The following DLC1 variants were observed in gnomAD, a reference collection of about 807,000 sequenced individuals.
DLC1 encodes rho GTPase-activating protein 7.
A neutral mutation model predicts 140.3 loss-of-function variants in DLC1; 54 were observed. The ratio of observed to expected loss-of-function variants is 0.38; its 90% CI spans 0.31 to 0.48. The LOEUF (loss-of-function observed/expected upper bound fraction) is 0.48. Among genes scored for constraint, DLC1 ranks in the 20% least tolerant of loss-of-function variants. The pLI, the probability that DLC1 is intolerant of heterozygous loss-of-function variation, is 0.96. For synonymous variants in DLC1, 986 were observed against 728.1 expected (o/e 1.35, Z -5.70); for missense variants, 2,536 against 1,907.0 (o/e 1.33, Z -6.14).
At chr8:13,146,475 T>TAACA (rs1414164837) in intron 5 of DLC1, among the ~76,000 whole-genome samples, 12 of 152,108 alleles carry the variant, frequency 7.9e-5, no homozygotes, top group African/African-American at 2.6e-4. Flanking sequence ...TGTAAGTTAT[T>TAACA]AGAAATAATC....
intron 1 of DLC1, among the ~76,000 whole-genome samples, chr8:13,598,126 T>C (rs998137954): frequency 1.6e-4 from 25 of 152,100 alleles, no homozygotes; most frequent in Admixed American, 1.4e-3. Context: ...GAATTAATAG[T>C]ACAAATCTTT....
intron 5 of DLC1, among the ~76,000 whole-genome samples, chr8:13,219,687 A>T (rs555178839): frequency 1.3e-5 from 2 of 151,996 alleles, no homozygotes; most frequent in Non-Finnish European, 2.9e-5. Flanking sequence ...ATTGTATTGA[A>T]AAAATAAAAT....
At chr8:13,286,954 G>A (rs931274444) in intron 5 of DLC1, among the ~76,000 whole-genome samples, 3 of 152,138 alleles carry the variant, frequency 2.0e-5, no homozygotes, top group Non-Finnish European at 2.9e-5. Context: ...CTGAGGTGAA[G>A]GTTGAGCACT....
chr8:13,098,387 T>G lies in DLC1; in HGVS notation c.3167+12A>C. The G allele has an allele frequency of 6.2e-7, 1 of 1,613,750 alleles. No homozygotes were observed. The highest frequency in any genetic ancestry group is 8.5e-7 in the Non-Finnish European group (1 of 1,179,772). The stretch of plus-strand genomic sequence containing the variant: ...TTTTCAACGACAGTTGACTGATCAT[T>G]TAAACTCTTACCAGCTAAAACCATG... On this transcript the variant is annotated intron_variant, in intron 10 of 17. Coordinates refer to ENST00000276297, the MANE Select transcript of DLC1 (RefSeq NM_182643.3).
intron 2 of DLC1, among the ~76,000 whole-genome samples, chr8:13,427,613 A>G (rs939280476): frequency 1.3e-5 from 2 of 152,044 alleles, no homozygotes; most frequent in Non-Finnish European, 2.9e-5. Context: ...TCCATGGGAT[A>G]ATTGGTCCCC....
At chr8:13,265,621 A>G (rs1472317687) in intron 5 of DLC1, among the ~76,000 whole-genome samples, 1 of 151,990 alleles carries the variant, frequency 6.6e-6, no homozygotes, top group Non-Finnish European at 1.5e-5. Context: ...GCCGTTTACC[A>G]TCATCTTCCT....
At chr8:13,503,953 C>T (rs769583014) in intron 1 of DLC1, among the ~76,000 whole-genome samples, 4 of 152,140 alleles carry the variant, frequency 2.6e-5, no homozygotes, top group African/African-American at 9.7e-5. Flanking sequence ...CAGTTTCCTA[C>T]TGGATAGAAG....
At chr8:13,172,858 C>T (rs1023055679) in intron 5 of DLC1, among the ~76,000 whole-genome samples, 1 of 152,216 alleles carries the variant, frequency 6.6e-6, no homozygotes, top group African/African-American at 2.4e-5. Flanking sequence ...AGCTTACTCT[C>T]ATCCCGAGTT....
chr8:13,368,781 T>C (rs1004038998), intron 4 of DLC1, among the ~76,000 whole-genome samples: 1 of 152,152 alleles, frequency 6.6e-6, no homozygotes, highest in Non-Finnish European at 1.5e-5. Context: ...ATAAGTGATA[T>C]GGATGTTAGT....
At chr8:13,531,858 C>T (rs901833578) in intron 1 of DLC1, among the ~76,000 whole-genome samples, 3 of 152,036 alleles carry the variant, frequency 2.0e-5, no homozygotes, top group African/African-American at 7.2e-5. Context: ...AAAGGCTTAC[C>T]ATATATTACA....
intron 5 of DLC1, among the ~76,000 whole-genome samples, chr8:13,263,838 T>C (rs2117345110): frequency 6.6e-6 from 1 of 151,778 alleles, no homozygotes; most frequent in East Asian, 1.9e-4. Context: ...ATATAAGATG[T>C]ACATATCTTA....
intron 2 of DLC1, among the ~76,000 whole-genome samples, chr8:13,474,586 G>A (rs969452825): frequency 5.3e-5 from 8 of 152,158 alleles, no homozygotes; most frequent in East Asian, 1.9e-4. Flanking sequence ...ACACCAGCCC[G>A]TGAAAGCAGC....
chr8:13,402,666 C>T (rs1449906666), intron 2 of DLC1, among the ~76,000 whole-genome samples: 1 of 152,176 alleles, frequency 6.6e-6, no homozygotes, highest in Non-Finnish European at 1.5e-5. Context: ...TACATCTTGA[C>T]AGAAGCCTGA....
intron 5 of DLC1, among the ~76,000 whole-genome samples, chr8:13,177,567 T>G (rs1374327561): frequency 6.6e-6 from 1 of 152,256 alleles, no homozygotes; most frequent in Non-Finnish European, 1.5e-5. Context: ...AAGTGGTTTA[T>G]TGATATATGC....
At position 13,147,200 on chromosome 8, in the gene DLC1, A is replaced by G. The variant is rs1032689109; in HGVS notation, c.1349-31543T>C. Among the ~76,000 whole-genome samples, 18 of 152,310 alleles carry G rather than the reference A, an allele frequency of 1.2e-4. No individual in the cohort carries two copies. In the East Asian group the frequency reaches 3.5e-3, roughly 29 times the overall value. On this transcript the variant is annotated intron_variant, in intron 5 of 17. Transcript: ENST00000276297. ...CTTCCTTAGAACCTAGTTTCTAAGTAAGACTGCCAGTCTCCTGGGGGAGCG... is the reference window on the plus strand; with the variant it reads ...CTTCCTTAGAACCTAGTTTCTAAGTGAGACTGCCAGTCTCCTGGGGGAGCG...
At chr8:13,128,502 T>C (rs1238480227) in intron 5 of DLC1, among the ~76,000 whole-genome samples, 14 of 152,146 alleles carry the variant, frequency 9.2e-5, no homozygotes. Flanking sequence ...AGGGCCACAA[T>C]AGAGAAGTCT....
At chr8:13,228,715 G>T (rs887331820) in intron 5 of DLC1, among the ~76,000 whole-genome samples, 3 of 152,234 alleles carry the variant, frequency 2.0e-5, no homozygotes, top group African/African-American at 7.2e-5. Flanking sequence ...CTCCACTCCA[G>T]CCTGTGCAAC....
At chr8:13,392,406 G>A (rs773140314) in intron 4 of DLC1, among the ~76,000 whole-genome samples, 3 of 152,116 alleles carry the variant, frequency 2.0e-5, no homozygotes, top group Non-Finnish European at 4.4e-5. Context: ...TAATTTCCAT[G>A]TAAATATTTA....
intron 5 of DLC1, among the ~76,000 whole-genome samples, chr8:13,227,399 A>T (rs191968580): frequency 6.6e-6 from 1 of 152,172 alleles, no homozygotes; most frequent in Non-Finnish European, 1.5e-5. Context: ...AGAGACTTGG[A>T]TTGGGAATCT....
Sources: allele counts gnomAD v4.1 joint callset (sites outside exome capture counted in the v4.1 genomes callset), GRCh38; gene constraint gnomAD v4.1.1; transcripts MANE v1.5; gene names NCBI Gene and HGNC (gene_info 2026-07-23, HGNC 2026-07-21).